The following SEMA3C variants were observed in gnomAD, a reference collection of about 807,000 sequenced individuals.
SEMA3C encodes semaphorin-3C.
Under a neutral mutation model 89.4 loss-of-function variants are expected in SEMA3C, and 47 were observed. The observed-to-expected ratio is 0.53, with a 90% CI of 0.42 to 0.67. The LOEUF is 0.67. SEMA3C is among the 30% of genes least tolerant of loss of function. SEMA3C has a pLI of 0.00. For missense variants in SEMA3C, 839 were observed against 929.1 expected, an observed-to-expected ratio of 0.90 and a Z score of 1.26; for synonymous variants, 310 against 320.2, an observed-to-expected ratio of 0.97 and a Z score of 0.34.
chr7:80,815,097 G>T (rs1418325716), intron 5 of SEMA3C, among the ~76,000 whole-genome samples: 1 of 152,112 alleles, frequency 6.6e-6, no homozygotes, highest in Non-Finnish European at 1.5e-5. Flanking sequence ...GCTTCAACAT[G>T]ATTTTGATTC....
chr7:80,833,467 A>G (rs1583922000), intron 2 of SEMA3C, among the ~76,000 whole-genome samples: 1 of 152,084 alleles, frequency 6.6e-6, no homozygotes, highest in East Asian at 1.9e-4. Flanking sequence ...GTCTAAAAAA[A>G]AAAGAAAGAA....
intron 16 of SEMA3C, among the ~76,000 whole-genome samples, chr7:80,750,469 T>TACACACAC (rs1458342632): frequency 1.6e-3 from 79 of 50,198 alleles, no homozygotes; most frequent in Non-Finnish European, 2.7e-3. Context: ...TATATATATA[T>TACACACAC]ATATACACAC....
At chr7:80,765,285 T>C in intron 12 of SEMA3C, 42 bp from the exon 13 acceptor site, 1 of 1,438,578 alleles carries the variant, frequency 7.0e-7, no homozygotes, top group Non-Finnish European at 9.7e-7. Flanking sequence ...CAATACTTTT[T>C]AAAAGAAAGC....
intron 2 of SEMA3C, among the ~76,000 whole-genome samples, chr7:80,913,746 C>T (rs1323207884): frequency 2.0e-5 from 3 of 152,172 alleles, no homozygotes; most frequent in Admixed American, 2.0e-4. Context: ...GTACATTCTC[C>T]CACAGGACTG....
intron 2 of SEMA3C, among the ~76,000 whole-genome samples, chr7:80,829,008 T>C: frequency 6.6e-6 from 1 of 151,886 alleles, no homozygotes; most frequent in Non-Finnish European, 1.5e-5. Flanking sequence ...ACAAAAATTG[T>C]TTTAGAAAAT....
intron 2 of SEMA3C, among the ~76,000 whole-genome samples, chr7:80,877,682 T>C (rs1490489077): frequency 2.6e-5 from 4 of 152,234 alleles, no homozygotes; most frequent in African/African-American, 7.2e-5. Context: ...TTCTTGTCCA[T>C]GTGGACACAG....
chr7:80,797,969 C>T (rs1789106234), intron 11 of SEMA3C, 123 bp downstream of exon 11: 1 of 937,216 alleles, frequency 1.1e-6, no homozygotes, highest in Non-Finnish European at 1.5e-6. Flanking sequence ...CTACATTCCA[C>T]CCTGGGCAAC....
At chr7:80,840,660 G>T (rs1246286615) in intron 2 of SEMA3C, among the ~76,000 whole-genome samples, 3 of 151,940 alleles carry the variant, frequency 2.0e-5, no homozygotes, top group Admixed American at 2.0e-4. Context: ...CAACTGCAGT[G>T]TAAAAAGATG....
intron 2 of SEMA3C, among the ~76,000 whole-genome samples, chr7:80,860,486 G>T (rs1236275208): frequency 6.6e-6 from 1 of 152,118 alleles, no homozygotes. Context: ...GCGGCAATGT[G>T]GTAGAGAAAA....
At chr7:80,828,934 A>G (rs557398309) in intron 2 of SEMA3C, among the ~76,000 whole-genome samples, 189 bp from the exon 3 acceptor site, 1 of 152,290 alleles carries the variant, frequency 6.6e-6, no homozygotes, top group East Asian at 1.9e-4. Context: ...AGGCAAAGGT[A>G]TGATGGTCAC....
chr7:80,874,110 T>C (rs1199076890), intron 2 of SEMA3C, among the ~76,000 whole-genome samples: 1 of 152,218 alleles, frequency 6.6e-6, no homozygotes, highest in Non-Finnish European at 1.5e-5. Context: ...TAACAACTTA[T>C]AATCAATGGT....
chr7:80,819,312 T>G (rs927714172), intron 4 of SEMA3C, among the ~76,000 whole-genome samples: 1 of 152,138 alleles, frequency 6.6e-6, no homozygotes, highest in Non-Finnish European at 1.5e-5. Context: ...ATTTCATTAT[T>G]CTTGTATTAC....
rs146647319 is a variant in SEMA3C at position 80,918,094 on chromosome 7, C to T, written c.-39+734G>A. ...CAAAAGAAACAGTTTCTTCCTGCTT[C>T]CACAACCTCTTCACCCTGTCATCCC... On this transcript the variant is annotated intron_variant, in intron 1 of 17. Transcript: ENST00000265361. 2.9e-3 allele frequency among the ~76,000 whole-genome samples: 444 copies of T among 152,270 alleles called. 1 individual carries two copies. The highest frequency in any genetic ancestry group is 0.017 in the East Asian group (89 of 5,172).
chr7:80,827,392 GTT>G (rs36066966), intron 4 of SEMA3C, 31 bp downstream of exon 4: 52,754 of 1,212,740 alleles, frequency 0.043, 147 homozygotes, highest in East Asian at 0.1. Context: ...TTAAGTTAGT[GTT>G]TTTTTTTTTT....
At chr7:80,916,961 T>C in intron 1 of SEMA3C, 142 bp from the exon 2 acceptor site, 1 of 581,866 alleles carries the variant, frequency 1.7e-6, no homozygotes, top group Non-Finnish European at 2.9e-6. Flanking sequence ...AGGTGCTGTG[T>C]CTTTGCTTCT....
chr7:80,789,640 T>C lies in SEMA3C; in HGVS notation c.1132-112A>G, dbSNP rs1487795826. The C allele has an allele frequency of 8.6e-6, 6 of 696,854 alleles. No homozygotes were observed. The South Asian group carries it at 1.2e-4, about 14-fold the overall frequency. 43.2% of individuals were successfully genotyped at this position (696,854 alleles called of 1,614,324 possible). ...TTAGAAGCTCCAGTTGTTTTAAGTA[T>C]ATCTGCTACCTATGGAAGTGAAAAG... On this transcript the variant is annotated intron_variant, in intron 11 of 17. Transcript: ENST00000265361.
chr7:80,817,254 AAAAC>A (rs1194531657), intron 5 of SEMA3C, among the ~76,000 whole-genome samples: 1 of 152,186 alleles, frequency 6.6e-6, no homozygotes, highest in East Asian at 1.9e-4. Flanking sequence ...ACATGTCTGA[AAAAC>A]AACTTAAAAA....
intron 2 of SEMA3C, among the ~76,000 whole-genome samples, chr7:80,871,292 T>C (rs1791052243): frequency 6.6e-6 from 1 of 152,200 alleles, no homozygotes; most frequent in African/African-American, 2.4e-5. Flanking sequence ...CAAAATAATC[T>C]TTCTAATACA....
chr7:80,756,140 T>C (rs77741237), intron 15 of SEMA3C, among the ~76,000 whole-genome samples: 4,434 of 152,276 alleles, frequency 0.029, 243 homozygotes, highest in African/African-American at 0.1. Context: ...ATACCATTCA[T>C]GTAACATCCT....
Sources: allele counts gnomAD v4.1 joint callset (sites outside exome capture counted in the v4.1 genomes callset), GRCh38; gene constraint gnomAD v4.1.1; transcripts MANE v1.5; gene names NCBI Gene and HGNC (gene_info 2026-07-23, HGNC 2026-07-21).